Variants in DENND4A observed in about 807,000 individuals in gnomAD.
DENND4A encodes DENN domain containing 4A.
Under a neutral mutation model 199.3 loss-of-function variants are expected in DENND4A, and 70 were observed. The ratio of observed to expected loss-of-function variants is 0.35; its 90% confidence interval spans 0.29 to 0.43. The LOEUF (loss-of-function observed/expected upper bound fraction) is 0.43. Among genes scored for constraint, DENND4A ranks in the 20% least tolerant of loss-of-function variants. DENND4A has a pLI of 1.00. For synonymous variants in DENND4A, 686 were observed against 766.9 expected (o/e 0.89, Z 1.74); for missense variants, 1,723 against 2,255.8 (o/e 0.76, Z 4.78).
intron 1 of DENND4A, among the ~76,000 whole-genome samples, chr15:65,786,217 ATATT>A (rs552817518): frequency 9.2e-5 from 14 of 152,362 alleles, no homozygotes; most frequent in African/African-American, 3.4e-4. Flanking sequence ...TAAATTGTAT[ATATT>A]CATTCACTGG....
chr15:65,720,947 T>TATTATA (rs1555425654), intron 12 of DENND4A, among the ~76,000 whole-genome samples: 6 of 76,264 alleles, frequency 7.9e-5, no homozygotes, highest in African/African-American at 2.1e-4. Flanking sequence ...GTTTCATTGA[T>TATTATA]TATATATATA....
At position 65,717,758 on chromosome 15, in the gene DENND4A, A is replaced by C. The variant is rs893776398; in HGVS notation, c.1807+20T>G. The C allele has an allele frequency of 6.4e-7, 1 of 1,557,788 alleles. No individual in the cohort carries two copies. Among genetic ancestry groups the C allele is most frequent in the Non-Finnish European group, 8.7e-7 (1 of 1,151,622 alleles). On this transcript the variant is annotated intron_variant, in intron 13 of 32. Coordinates refer to ENST00000443035, the MANE Select transcript of DENND4A (RefSeq NM_001320835.1). Reference sequence around the variant, plus strand: ...TTAAGCTCAATAACCTGAAAGCTTTAAAACTATGCAGTCACTCACCTTGTA... The same window carrying C: ...TTAAGCTCAATAACCTGAAAGCTTTCAAACTATGCAGTCACTCACCTTGTA...
chr15:65,686,407 C>T (rs2076782976), intron 23 of DENND4A, among the ~76,000 whole-genome samples: 1 of 152,026 alleles, frequency 6.6e-6, no homozygotes, highest in African/African-American at 2.4e-5. Context: ...TTGTCTTGAC[C>T]AATTTTTGTT....
In DENND4A at chr15:65,659,432, C is replaced by A. The variant is rs560699567; in HGVS notation, c.*2419G>T. ...CATTGCAGCCCCAAACCCCCAGGCT[C>A]AAAGTGATCCTCCTGCTTCAGCCTC... On this transcript the variant is annotated 3_prime_UTR_variant, in exon 33 of 33. Coordinates refer to ENST00000443035, the MANE Select transcript of DENND4A (RefSeq NM_001320835.1). The A allele has an allele frequency of 5.5e-4, 77 of 141,226 alleles. No homozygotes were observed. Among genetic ancestry groups the A allele is most frequent in the African/African-American group, 1.8e-3 (69 of 37,600 alleles). The allele number at this position is 141,226 out of a possible 1,614,324, so 8.7% of individuals were successfully genotyped here. A position where few individuals can be genotyped will look rare whatever the true frequency, so the allele number is the denominator to read the frequency against.
intron 1 of DENND4A, among the ~76,000 whole-genome samples, chr15:65,773,035 T>G (rs2077183543): frequency 6.7e-6 from 1 of 149,482 alleles, no homozygotes; most frequent in Non-Finnish European, 1.5e-5. Context: ...AAAATCATTC[T>G]TAGAGCAGTG....
rs1567021153 is a variant in DENND4A, at chr15:65,700,911, T to C, written c.2701+140A>G. ...GAAGTGAAATCTGGTGGTTTTTAAATGGGAAGAGTAATATAATTTGCTTAA... is the reference window on the plus strand; with the variant it reads ...GAAGTGAAATCTGGTGGTTTTTAAACGGGAAGAGTAATATAATTTGCTTAA... On this transcript the variant is annotated intron_variant, in intron 19 of 32. Transcript: ENST00000443035. 12 of 1,012,746 alleles carry C rather than the reference T, an allele frequency of 1.2e-5. No homozygotes were observed. The South Asian group carries it at 1.6e-4, about 14-fold the overall frequency. 62.7% of individuals were successfully genotyped at this position (1,012,746 alleles called of 1,614,324 possible).
Position 65,720,692 on chromosome 15 carries a change from A to T in DENND4A, c.1588+2156T>A, listed in dbSNP as rs1485634777. Among the ~76,000 whole-genome samples, 3 of 148,966 alleles carry T rather than the reference A, an allele frequency of 2.0e-5. No individual in the cohort carries two copies. In the East Asian group the frequency reaches 6.0e-4, roughly 30 times the overall value. ...CTCCCAAAGTGCTGGGATTACAGGT[A>T]TGAGCCACTACGCCCAGTCAAGAAA... On this transcript the variant is annotated intron_variant, in intron 12 of 32. Coordinates refer to ENST00000443035, the MANE Select transcript of DENND4A (RefSeq NM_001320835.1).
At position 65,676,618 on chromosome 15, in the gene DENND4A, C is replaced by G. The variant is rs769556393; in HGVS notation, c.4196G>C (p.Arg1399Pro). Residue 1399 changes from arginine (R) to proline (P), a missense_variant, in exon 24 of 33, where the codon CGT becomes CCT. By Grantham distance (103) the Arg-to-Pro change is moderately radical (BLOSUM62 -2). Around this residue, in one of 6 missense-constraint regions of DENND4A, gnomAD observed 650 missense variants for 738.1 expected, o/e 0.88. Coordinates refer to ENST00000443035, the MANE Select transcript of DENND4A (RefSeq NM_001320835.1). ...TTSSKDQSSD[R>P]TSLSSVGAQD... The stretch of plus-strand genomic sequence containing the variant: ...GGCTCCCACTGAAGAAAGACTGGTA[C>G]GATCAGAACTTTGATCCTAAGGACA... The G allele has an allele frequency of 3.7e-6, 6 of 1,611,474 alleles. No individual in the cohort carries two copies. Among genetic ancestry groups the G allele is most frequent in the Non-Finnish European group, 5.1e-6 (6 of 1,178,724 alleles).
At chr15:65,679,303 A>G (rs1168837836) in intron 23 of DENND4A, among the ~76,000 whole-genome samples, 1 of 149,868 alleles carries the variant, frequency 6.7e-6, no homozygotes, top group Admixed American at 6.7e-5. Context: ...AGGTTTCACC[A>G]TATTAGCCAG....
chr15:65,762,838 A>G (rs1183468971), intron 1 of DENND4A, among the ~76,000 whole-genome samples: 2 of 152,150 alleles, frequency 1.3e-5, no homozygotes, highest in African/African-American at 4.8e-5. Context: ...TTTGGTATCC[A>G]TCGGGTGGAG....
chr15:65,747,671 C>T (rs1050939164), intron 4 of DENND4A, among the ~76,000 whole-genome samples: 2 of 152,150 alleles, frequency 1.3e-5, no homozygotes, highest in African/African-American at 4.8e-5. Context: ...CAATACACCC[C>T]AGTTTTTCGT....
At chr15:65,668,272 G>C in intron 27 of DENND4A, 149 bp from the exon 28 acceptor site, 1 of 596,406 alleles carries the variant, frequency 1.7e-6, no homozygotes, top group East Asian at 3.2e-5. Flanking sequence ...GCAGTGGTGT[G>C]ATCTCAGCTC....
In DENND4A at chr15:65,722,909, T is replaced by C. The variant is rs369999872; in HGVS notation, c.1527A>G (p.Pro509=). The change falls in exon 12 of 33, where the codon CCA becomes CCG. Residue 509 remains proline (P), a synonymous_variant. Coordinates refer to ENST00000443035, the MANE Select transcript of DENND4A (RefSeq NM_001320835.1). ...TCATCAGATTTTTACATGGCTTCTT[T>C]GGAAGTATCTTCCAGGCTACATTTT... is the stretch of plus-strand genomic sequence containing the variant. ...DKKNVAWKIL[P]KKPCKNLMNT... The C allele has an allele frequency of 1.5e-4, 237 of 1,609,870 alleles. No homozygotes were observed. Among genetic ancestry groups the C allele is most frequent in the Non-Finnish European group, 2.0e-5 (24 of 1,178,464 alleles).
chr15:65,716,104 C>T (rs1219102974), intron 13 of DENND4A, among the ~76,000 whole-genome samples: 1 of 152,072 alleles, frequency 6.6e-6, no homozygotes, highest in Non-Finnish European at 1.5e-5. Flanking sequence ...CTCAGTTACA[C>T]TGCACTTGGG....
intron 23 of DENND4A, among the ~76,000 whole-genome samples, chr15:65,689,219 G>C (rs2076891731): frequency 6.6e-6 from 1 of 151,904 alleles, no homozygotes; most frequent in Admixed American, 6.6e-5. Context: ...CATCTTTACA[G>C]TTATTTTTTA....
At chr15:65,759,007 C>T (rs6494537) in intron 2 of DENND4A, among the ~76,000 whole-genome samples, 85,252 of 152,044 alleles carry the variant, frequency 0.56, 26,364 homozygotes, top group African/African-American at 0.83. Flanking sequence ...AGGGCAAAGA[C>T]ATTCTTACGT....
chr15:65,756,424 A>G lies in DENND4A; in HGVS notation c.27T>C (p.Val9=). 1 of 1,611,702 alleles carries G rather than the reference A, an allele frequency of 6.2e-7. No homozygotes were observed. The highest frequency in any genetic ancestry group is 1.1e-5 in the South Asian group (1 of 90,650). MIEDKGPR[V]ADYFVVAGLT... is the part of the protein sequence containing the mutation. ...ATCCTGCTACAACAAAGTAGTCAGC[A>G]ACACGAGGCCCCTTGTCTTCAATCA... The change falls in exon 3 of 33, where the codon GTT becomes GTC. Residue 9 remains valine (V), a synonymous_variant. Transcript: ENST00000443035.
chr15:65,730,303 A>G (rs1323046611), intron 9 of DENND4A, among the ~76,000 whole-genome samples: 1 of 152,152 alleles, frequency 6.6e-6, no homozygotes, highest in Non-Finnish European at 1.5e-5. Context: ...AAGTAAATAA[A>G]TAGTTCAGTA....
intron 1 of DENND4A, among the ~76,000 whole-genome samples, chr15:65,775,439 A>G (rs28498859): frequency 0.32 from 48,443 of 151,234 alleles, 8,881 homozygotes; most frequent in East Asian, 0.78. Context: ...TTAGGAGTTC[A>G]AGACCAGCCT....
Sources: gnomAD v4.1 joint callset for allele counts (sites outside exome capture counted in the v4.1 genomes callset) on GRCh38, gnomAD v4.1.1 for gene constraint, gnomAD v4.1.1 regional missense constraint, MANE v1.5 for transcripts, NCBI Gene and HGNC (gene_info 2026-07-23, HGNC 2026-07-21) for gene names.